Variants in USP18 observed in about 807,000 individuals in gnomAD.
The protein encoded by USP18 is ubiquitin specific peptidase 18, also known as ubl carboxyl-terminal hydrolase 18.
A neutral mutation model predicts 48.7 loss-of-function variants in USP18; 11 were observed. The observed-to-expected ratio is 0.23, with a 90% CI of 0.14 to 0.37. USP18 has a LOEUF of 0.37. USP18 is among the 10% of genes least tolerant of loss of function. The pLI, the probability that USP18 is intolerant of heterozygous loss-of-function variation, is 1.00. For missense variants in USP18, 285 were observed against 436.4 expected (o/e 0.65, Z 3.09); for synonymous variants, 114 against 163.2 (o/e 0.70, Z 2.30).
At chr22:18,171,998 C>T (rs1929639917) in intron 8 of USP18, among the ~76,000 whole-genome samples, 1 of 151,874 alleles carries the variant, frequency 6.6e-6, no homozygotes, top group Non-Finnish European at 1.5e-5. Context: ...TGACTGGATG[C>T]AGTGGGTCAC....
At position 18,160,028 on chromosome 22, in the gene USP18, G is replaced by T. The variant is rs1355032037; in HGVS notation, c.158-144G>T. On this transcript the variant is annotated intron_variant, in intron 2 of 10. Coordinates refer to ENST00000215794, the MANE Select transcript of USP18 (RefSeq NM_017414.4). The stretch of plus-strand genomic sequence containing the variant: ...ATGGTTTTACCATGTTGGCCAGGCT[G>T]GTCTCGAACTCCCGACCTCAGGTGA... The T allele has an allele frequency of 6.5e-6, 5 of 766,174 alleles. No homozygotes were observed. In the African/African-American group the frequency reaches 8.5e-5, roughly 13 times the overall value. The allele number at this position is 766,174 out of a possible 1,614,324, so 47.5% of individuals were successfully genotyped here.
chr22:18,157,513 T>G (rs138628854), intron 1 of USP18, 45 bp from the exon 2 acceptor site: 90 of 989,398 alleles, frequency 9.1e-5, no homozygotes, highest in Admixed American at 6.1e-4. Context: ...TGAATACACA[T>G]TCCTCCTTCT....
chr22:18,174,473 A>G (rs570259107), intron 10 of USP18, among the ~76,000 whole-genome samples: 141 of 151,852 alleles, frequency 9.3e-4, no homozygotes, highest in African/African-American at 3.2e-3. Context: ...CTCATGATCC[A>G]CCTGCCTCAG....
chr22:18,174,880 A>G (rs1247791025), intron 10 of USP18, among the ~76,000 whole-genome samples: 3 of 152,078 alleles, frequency 2.0e-5, no homozygotes, highest in Admixed American at 1.3e-4. Flanking sequence ...ATAGGCATGA[A>G]CACTGCGCCT....
Position 18,161,910 on chromosome 22 carries a change from C to T in USP18, c.375C>T (p.Tyr125=). Residue 125 remains tyrosine (Y), a synonymous_variant, in exon 4 of 11, where the codon TAC becomes TAT. Coordinates refer to ENST00000215794, the MANE Select transcript of USP18 (RefSeq NM_017414.4). ...QKAVRPLELA[Y]CLQKCNVPLF... is the part of the protein sequence containing the mutation. ...CAGTGCGGCCCCTGGAGCTGGCCTA[C>T]TGCCTGCAGAAGTGCAACGTGCCCT... is the stretch of plus-strand genomic sequence containing the variant. 1.2e-6 allele frequency: 2 copies of T among 1,613,764 alleles called. No homozygotes were observed. The highest frequency in any genetic ancestry group is 1.7e-6 in the Non-Finnish European group (2 of 1,179,838).
chr22:18,166,568 C>T (rs1929482158), intron 4 of USP18, among the ~76,000 whole-genome samples: 1 of 151,104 alleles, frequency 6.6e-6, no homozygotes, highest in Admixed American at 6.6e-5. Context: ...TCAGAGATCC[C>T]CACAGCAGGG....
chr22:18,150,829 G>A (rs1928978788), intron 1 of USP18, among the ~76,000 whole-genome samples: 1 of 152,220 alleles, frequency 6.6e-6, no homozygotes, highest in Admixed American at 6.5e-5. Flanking sequence ...GCGCATGCCT[G>A]TAATCCCAGC....
rs1929583500 is a variant in USP18, at chr22:18,169,946, A to G, written c.723+7A>G. ...GAAGACCCGTGGGAAACAGGTACTCATTCCCTAAATCAGACTCAGCTGTCC... is the reference window on the plus strand; with the variant it reads ...GAAGACCCGTGGGAAACAGGTACTCGTTCCCTAAATCAGACTCAGCTGTCC... On this transcript the variant is annotated splice_region_variant and intron_variant, in intron 7 of 10. Transcript: ENST00000215794. 2 of 1,581,608 alleles carry G rather than the reference A, an allele frequency of 1.3e-6. No individual in the cohort carries two copies. The highest frequency in any genetic ancestry group is 1.7e-6 in the Non-Finnish European group (2 of 1,162,184).
At chr22:18,170,206 G>A (rs1351688450) in intron 7 of USP18, among the ~76,000 whole-genome samples, 4 of 150,960 alleles carry the variant, frequency 2.6e-5, no homozygotes, top group Non-Finnish European at 4.4e-5. Flanking sequence ...GTGTATAAGC[G>A]GACCCATACA....
intron 1 of USP18, among the ~76,000 whole-genome samples, chr22:18,156,474 G>A (rs1347628249): frequency 2.0e-5 from 3 of 152,106 alleles, no homozygotes; most frequent in African/African-American, 7.2e-5. Flanking sequence ...AACACTCACC[G>A]CGAAGGTCTG....
chr22:18,151,140 A>G (rs1483638785), intron 1 of USP18, among the ~76,000 whole-genome samples: 1 of 152,174 alleles, frequency 6.6e-6, no homozygotes, highest in Non-Finnish European at 1.5e-5. Context: ...GGGCATTCAT[A>G]TTGAGAAATT....
intron 4 of USP18, among the ~76,000 whole-genome samples, chr22:18,165,596 CA>C (rs1177578419): frequency 4.0e-5 from 6 of 150,532 alleles, no homozygotes; most frequent in Admixed American, 4.0e-4. Context: ...CCCTGCTGGG[CA>C]AAAGGAAGAA....
At position 18,157,586 on chromosome 22, in the gene USP18, C is replaced by G; in HGVS notation, c.-78C>G. 6.3e-7 allele frequency: 1 copy of G among 1,577,958 alleles called. No homozygotes were observed. The highest frequency in any genetic ancestry group is 8.6e-7 in the Non-Finnish European group (1 of 1,157,980). On this transcript the variant is annotated 5_prime_UTR_variant, in exon 2 of 11. Transcript: ENST00000215794. ...TTCCATCGTGCCTGGCTCACATAAG[C>G]GCTTCCTGGAAGTGAAGTCGTGCTG...
Position 18,174,403 on chromosome 22 carries a change from T to G in USP18, c.1073+561T>G, listed in dbSNP as rs192838193. Among the ~76,000 whole-genome samples the G allele has an allele frequency of 3.9e-4, 60 of 151,900 alleles. 1 individual carries two copies. Among genetic ancestry groups the G allele is most frequent in the Non-Finnish European group, 7.5e-4 (51 of 67,928 alleles). ...CCACCACGCCCAGCTGATTGTTTTT[T>G]GTATTTTTAGTAGAGACGGTGTTTC... On this transcript the variant is annotated intron_variant, in intron 10 of 10. Coordinates refer to ENST00000215794, the MANE Select transcript of USP18 (RefSeq NM_017414.4).
intron 2 of USP18, 109 bp from the exon 3 acceptor site, chr22:18,160,063 C>T: frequency 1.9e-6 from 2 of 1,038,012 alleles, no homozygotes; most frequent in Non-Finnish European, 3.0e-6. Flanking sequence ...ATCCGCCCAC[C>T]TCGGCCTCCC....
chr22:18,167,025 C>T (rs1423784879), intron 4 of USP18, among the ~76,000 whole-genome samples: 7 of 152,294 alleles, frequency 4.6e-5, no homozygotes, highest in Non-Finnish European at 1.0e-4. Flanking sequence ...AGGCATGAGC[C>T]ACTACATCTG....
At chr22:18,164,689 T>C (rs954688548) in intron 4 of USP18, among the ~76,000 whole-genome samples, 1 of 152,196 alleles carries the variant, frequency 6.6e-6, no homozygotes, top group Admixed American at 6.5e-5. Flanking sequence ...CTGTTTGCTC[T>C]GTGCTGAGCA....
At chr22:18,172,013 G>A (rs1453394163) in intron 8 of USP18, among the ~76,000 whole-genome samples, 1 of 152,150 alleles carries the variant, frequency 6.6e-6, no homozygotes, top group Non-Finnish European at 1.5e-5. Context: ...GGTCACGCCT[G>A]TAATCTCAGC....
Position 18,173,135 on chromosome 22 carries a change from C to T in USP18, c.892-15C>T. On this transcript the variant is annotated splice_polypyrimidine_tract_variant and intron_variant, in intron 8 of 10. Transcript: ENST00000215794. The stretch of plus-strand genomic sequence containing the variant: ...GTGGTGGTGGGTGAACTGTCTCGTG[C>T]CTGTCTCTTTCCAGTCTGGAGGGCA... 6.3e-7 allele frequency: 1 copy of T among 1,584,214 alleles called. No homozygotes were observed. Among genetic ancestry groups the T allele is most frequent in the Non-Finnish European group, 8.6e-7 (1 of 1,167,044 alleles).
Sources: gnomAD v4.1 joint callset for allele counts (sites outside exome capture counted in the v4.1 genomes callset) on GRCh38, gnomAD v4.1.1 for gene constraint, MANE v1.5 for transcripts, NCBI Gene and HGNC (gene_info 2026-07-23, HGNC 2026-07-21) for gene names.